The following NEK1 variants were observed in gnomAD, a reference collection of about 807,000 sequenced individuals.
NEK1 encodes the protein serine/threonine-protein kinase Nek1.
Under a neutral mutation model 182.1 loss-of-function variants are expected in NEK1, and 137 were observed. The observed-to-expected ratio is 0.75, with a 90% CI of 0.65 to 0.87. NEK1 has a LOEUF of 0.87. Ranked by LOEUF, NEK1 falls within the 40% of genes least tolerant of loss-of-function variation. The pLI is 0.00. For missense variants in NEK1, 1,391 were observed against 1,494.4 expected (o/e 0.93, Z 1.14); for synonymous variants, 513 against 492.2 (o/e 1.04, Z -0.56).
intron 23 of NEK1, among the ~76,000 whole-genome samples, chr4:169,501,102 C>T (rs1752344778): frequency 6.6e-6 from 1 of 152,168 alleles, no homozygotes; most frequent in Admixed American, 6.5e-5. Flanking sequence ...GGGCTTGCTA[C>T]TCTTGTATCA....
At chr4:169,448,837 C>G (rs111324888) in intron 27 of NEK1, among the ~76,000 whole-genome samples, 1 of 152,012 alleles carries the variant, frequency 6.6e-6, no homozygotes, top group African/African-American at 2.4e-5. Context: ...GAGGGTGAGC[C>G]GAAGCAGGGT....
At position 169,426,173 on chromosome 4, in the gene NEK1, C is replaced by T; in HGVS notation, c.2947G>A (p.Val983Met). 1 of 1,613,672 alleles carries T rather than the reference C, an allele frequency of 6.2e-7. No homozygotes were observed. Among genetic ancestry groups the T allele is most frequent in the Non-Finnish European group, 8.5e-7 (1 of 1,179,764 alleles). Reference protein sequence around the residue: ...EVSEDGVSSTVDQLSDIHIEP... With the variant: ...EVSEDGVSSTMDQLSDIHIEP... ...ATATGAATGTCACTAAGTTGGTCCA[C>T]AGTACTCGAGACTCCATCTTCAGAA... is the stretch of plus-strand genomic sequence containing the variant. Residue 983 changes from valine to methionine, a missense_variant, in exon 30 of 36, where the codon GTG becomes ATG. Val to Met is a conservative substitution (Grantham distance 21). Coordinates refer to ENST00000507142, the MANE Select transcript of NEK1 (RefSeq NM_001199397.3).
At chr4:169,595,162 T>C (rs1276962443) in intron 5 of NEK1, among the ~76,000 whole-genome samples, 1 of 152,158 alleles carries the variant, frequency 6.6e-6, no homozygotes, top group African/African-American at 2.4e-5. Context: ...TGAGTCAGAA[T>C]TTCTTCAAGA....
At chr4:169,492,896 A>G (rs988684538) in intron 23 of NEK1, among the ~76,000 whole-genome samples, 1 of 152,170 alleles carries the variant, frequency 6.6e-6, no homozygotes, top group African/African-American at 2.4e-5. Context: ...TAACCACTGA[A>G]GGGGGCAGCG....
intron 19 of NEK1, among the ~76,000 whole-genome samples, chr4:169,514,866 T>C (rs1754858825): frequency 6.6e-6 from 1 of 152,166 alleles, no homozygotes; most frequent in Non-Finnish European, 1.5e-5. Flanking sequence ...TCTTAATTAC[T>C]TCATTCTGCT....
At chr4:169,447,818 G>A (rs778123335) in intron 27 of NEK1, among the ~76,000 whole-genome samples, 9 of 152,102 alleles carry the variant, frequency 5.9e-5, no homozygotes, top group Non-Finnish European at 1.2e-4. Context: ...GCAGTGAGCC[G>A]AGATCGTGCC....
rs1730270684 is a variant in NEK1 at position 169,393,732 on chromosome 4, A to G, written c.*778T>C. On this transcript the variant is annotated 3_prime_UTR_variant, in exon 36 of 36. Coordinates refer to ENST00000507142, the MANE Select transcript of NEK1 (RefSeq NM_001199397.3). ...TGAAGCTTATGTATGGAGGAAGTTA[A>G]AAACCAAAAGAGCAACTTTAAGCTA... 1 of 152,222 alleles carries G rather than the reference A, an allele frequency of 6.6e-6. No homozygotes were observed. The highest frequency in any genetic ancestry group is 1.5e-5 in the Non-Finnish European group (1 of 68,026). 9.4% of individuals were successfully genotyped at this position (152,222 alleles called of 1,614,324 possible). A position where few individuals can be genotyped will look rare whatever the true frequency, so the allele number is the denominator to read the frequency against.
intron 31 of NEK1, among the ~76,000 whole-genome samples, chr4:169,423,099 A>T (rs2111315574): frequency 6.6e-6 from 1 of 152,262 alleles, no homozygotes; most frequent in South Asian, 2.1e-4. Flanking sequence ...TGAAAATCAA[A>T]GTGACTATTT....
At chr4:169,464,728 ATATAT>A (rs1274290962) in intron 26 of NEK1, among the ~76,000 whole-genome samples, 6 of 152,172 alleles carry the variant, frequency 3.9e-5, no homozygotes, top group African/African-American at 1.4e-4. Context: ...TTTCATTTCT[ATATAT>A]TAAACAGAAA....
chr4:169,425,823 T>C (rs1342833170), intron 30 of NEK1, among the ~76,000 whole-genome samples: 1 of 152,200 alleles, frequency 6.6e-6, no homozygotes, highest in Non-Finnish European at 1.5e-5. Flanking sequence ...CAGCCTACCT[T>C]TCTTACATTT....
At chr4:169,514,956 T>G (rs989367352) in intron 19 of NEK1, among the ~76,000 whole-genome samples, 6 of 152,174 alleles carry the variant, frequency 3.9e-5, no homozygotes, top group African/African-American at 1.4e-4. Flanking sequence ...TTTCTTCTAC[T>G]GTCTGCATTT....
rs1768335164 is a variant in NEK1 at position 169,590,747 on chromosome 4, A to G, written c.375T>C (p.Leu125=). 2 of 1,595,606 alleles carry G rather than the reference A, an allele frequency of 1.3e-6. No homozygotes were observed. The highest frequency in any genetic ancestry group is 1.7e-5 in the Admixed American group (1 of 57,590). Residue 125 remains leucine, a synonymous_variant, in exon 6 of 36, where the codon CTT becomes CTC. Transcript: ENST00000507142. ...ALKHVHDRKI[L]HRDIKSQNIF... The stretch of plus-strand genomic sequence containing the variant: ...ATACCTGAGATTTAATGTCTCGATG[A>G]AGAATTTTTCTATCATGTACATGTT...
In NEK1 at chr4:169,448,189, T is replaced by C. The variant is rs1350649477; in HGVS notation, c.2588-9930A>G. On this transcript the variant is annotated intron_variant, in intron 27 of 35. Transcript: ENST00000507142. Reference sequence around the variant, plus strand: ...TTGTAGTAAGCTGAGATTGTGCCACTGCCCTCCAGCCTGGGTGACAGAGTG... The same window carrying C: ...TTGTAGTAAGCTGAGATTGTGCCACCGCCCTCCAGCCTGGGTGACAGAGTG... Among the ~76,000 whole-genome samples, 3 of 152,068 alleles carry C rather than the reference T, an allele frequency of 2.0e-5. No homozygotes were observed. In the East Asian group the frequency reaches 5.8e-4, roughly 29 times the overall value.
At chr4:169,445,160 C>T (rs1044243866) in intron 27 of NEK1, among the ~76,000 whole-genome samples, 1 of 151,622 alleles carries the variant, frequency 6.6e-6, no homozygotes, top group African/African-American at 2.4e-5. Context: ...AAGCTCATGG[C>T]TGTAATTTCA....
chr4:169,559,473 A>G (rs962509456), intron 16 of NEK1, among the ~76,000 whole-genome samples: 2 of 152,334 alleles, frequency 1.3e-5, no homozygotes, highest in African/African-American at 4.8e-5. Context: ...AAATTTGGAA[A>G]AAGTTACTCT....
intron 16 of NEK1, among the ~76,000 whole-genome samples, chr4:169,560,867 A>G (rs1203937896): frequency 1.3e-5 from 2 of 152,158 alleles, no homozygotes; most frequent in African/African-American, 2.4e-5. Flanking sequence ...GGATCTACCC[A>G]GAAGGAATGT....
intron 31 of NEK1, 113 bp from the exon 32 acceptor site, chr4:169,406,860 TAAA>T: frequency 1.4e-6 from 1 of 699,098 alleles, no homozygotes. Flanking sequence ...ATGTAACATA[TAAA>T]AAGTTTTTTT....
Position 169,523,739 on chromosome 4 carries a change from A to G in NEK1, c.1665+14070T>C, listed in dbSNP as rs115051492. Among the ~76,000 whole-genome samples, 601 of 152,366 alleles carry G rather than the reference A, an allele frequency of 3.9e-3. 5 individuals carry two copies. Among genetic ancestry groups the G allele is most frequent in the South Asian group, 0.03 (144 of 4,832 alleles). Reference sequence around the variant, plus strand: ...CGATGCCTGGCATAATAAGCTTTCAATAAATAGTTATTATTACTTAATTGT... The same window carrying G: ...CGATGCCTGGCATAATAAGCTTTCAGTAAATAGTTATTATTACTTAATTGT... On this transcript the variant is annotated intron_variant, in intron 19 of 35. Transcript: ENST00000507142.
intron 33 of NEK1, 45 bp from the exon 34 acceptor site, chr4:169,400,696 A>G: frequency 6.9e-7 from 1 of 1,443,740 alleles, no homozygotes; most frequent in African/African-American, 1.4e-5. Flanking sequence ...AAAAGACTGA[A>G]TAACTCATAC....
Sources: gnomAD v4.1 joint callset for allele counts (sites outside exome capture counted in the v4.1 genomes callset) on GRCh38, gnomAD v4.1.1 for gene constraint, MANE v1.5 for transcripts, NCBI Gene and HGNC (gene_info 2026-07-23, HGNC 2026-07-21) for gene names.